Variants in MED15 observed in about 807,000 individuals in gnomAD.
The protein encoded by MED15 is mediator complex subunit 15, also known as mediator of RNA polymerase II transcription subunit 15.
In MED15, 41 loss-of-function variants were observed where a neutral mutation model predicts 118.7. The observed-to-expected ratio is 0.35, with a 90% CI of 0.27 to 0.45. MED15 has a LOEUF of 0.45. Among genes scored for constraint, MED15 ranks in the 20% least tolerant of loss-of-function variants. The probability of loss-of-function intolerance (pLI) is 1.00; values close to 1 mark genes in which losing one functional copy is unlikely to be tolerated. For missense variants in MED15, 740 were observed against 1,025.5 expected (o/e 0.72, Z 3.80); for synonymous variants, 436 against 413.9 (o/e 1.05, Z -0.65).
intron 1 of MED15, among the ~76,000 whole-genome samples, chr22:20,532,215 C>G (rs1192780640): frequency 6.6e-6 from 1 of 152,102 alleles, no homozygotes; most frequent in Non-Finnish European, 1.5e-5. Context: ...GGAGTTGGGG[C>G]AAAGATTTGA....
rs1206072811 is a variant in MED15, at chr22:20,582,557, GAGGC to G, written c.1273-49_1273-46del. 5.9e-6 allele frequency: 9 copies of G among 1,535,048 alleles called. No individual in the cohort carries two copies. The African/African-American group carries it at 6.9e-5, about 12-fold the overall frequency. On this transcript the variant is annotated intron_variant, in intron 9 of 17. Coordinates refer to ENST00000263205, the MANE Select transcript of MED15 (RefSeq NM_001003891.3). ...ATGCGTGCGGTGGGCAGGTGGTGTG[GAGGC>G]AGGCGGGCGGGCGTGTGGCAGCGCG...
chr22:20,572,638 T>C (rs1388633514), intron 8 of MED15, among the ~76,000 whole-genome samples: 6 of 119,602 alleles, frequency 5.0e-5, no homozygotes, highest in African/African-American at 3.3e-5. Flanking sequence ...AACCAAGACA[T>C]GCAGGCACAG....
At chr22:20,571,140 C>A (rs1601614775) in intron 8 of MED15, among the ~76,000 whole-genome samples, 1 of 152,186 alleles carries the variant, frequency 6.6e-6, no homozygotes, top group Admixed American at 6.5e-5. Context: ...CTGGTGCAGG[C>A]CCAGCTGGTA....
chr22:20,556,168 A>G (rs1420238450), intron 5 of MED15, among the ~76,000 whole-genome samples: 1 of 152,184 alleles, frequency 6.6e-6, no homozygotes, highest in Non-Finnish European at 1.5e-5. Flanking sequence ...GTGGAATAGC[A>G]TAGAGAGTTC....
At chr22:20,578,217 G>A (rs1027443451) in intron 9 of MED15, among the ~76,000 whole-genome samples, 1 of 152,198 alleles carries the variant, frequency 6.6e-6, no homozygotes. Flanking sequence ...GAACCACTGC[G>A]CCCAGCCTTG....
intron 2 of MED15, among the ~76,000 whole-genome samples, chr22:20,549,601 T>C (rs2055691464): frequency 6.6e-6 from 1 of 152,086 alleles, no homozygotes; most frequent in Non-Finnish European, 1.5e-5. Flanking sequence ...CCCTAGATGT[T>C]CCTAGATAAA....
intron 8 of MED15, among the ~76,000 whole-genome samples, chr22:20,572,187 G>T (rs1294234879): frequency 2.6e-5 from 4 of 152,362 alleles, no homozygotes; most frequent in African/African-American, 4.8e-5. Context: ...AGGGCCTTCA[G>T]ATCTGATCAG....
At chr22:20,581,596 C>T (rs542779255) in intron 9 of MED15, among the ~76,000 whole-genome samples, 3 of 152,198 alleles carry the variant, frequency 2.0e-5, no homozygotes, top group African/African-American at 7.2e-5. Context: ...CTTCAGGGTT[C>T]CCCCAGTGTG....
intron 2 of MED15, among the ~76,000 whole-genome samples, chr22:20,540,213 G>T (rs1008347978): frequency 6.6e-6 from 1 of 152,074 alleles, no homozygotes; most frequent in Non-Finnish European, 1.5e-5. Flanking sequence ...GACGTGGAAA[G>T]CCACATAAGG....
chr22:20,565,991 C>G (rs2056423229), intron 6 of MED15, among the ~76,000 whole-genome samples: 1 of 151,648 alleles, frequency 6.6e-6, no homozygotes, highest in South Asian at 2.1e-4. Context: ...GTGCCCCTCC[C>G]CGTGTGAGTG....
At chr22:20,557,268 A>G (rs1299490518) in intron 5 of MED15, among the ~76,000 whole-genome samples, 1 of 152,088 alleles carries the variant, frequency 6.6e-6, no homozygotes, top group Admixed American at 6.5e-5. Flanking sequence ...ATCCTGTGTC[A>G]GGTTTCCTCT....
At chr22:20,520,044 G>A (rs2054391060) in intron 1 of MED15, among the ~76,000 whole-genome samples, 1 of 152,124 alleles carries the variant, frequency 6.6e-6, no homozygotes, top group African/African-American at 2.4e-5. Flanking sequence ...GGAGAGATAG[G>A]GGCTCACACA....
intron 7 of MED15, among the ~76,000 whole-genome samples, chr22:20,567,557 G>C (rs1038498597): frequency 1.3e-5 from 2 of 152,190 alleles, no homozygotes; most frequent in Non-Finnish European, 2.9e-5. Context: ...GTGAGGAGCA[G>C]ATATGCTCAC....
chr22:20,512,399 G>C (rs921835796), intron 1 of MED15, among the ~76,000 whole-genome samples: 3 of 151,944 alleles, frequency 2.0e-5, no homozygotes, highest in Non-Finnish European at 2.9e-5. Flanking sequence ...TTAGGTGTCT[G>C]CTCAGTATCA....
chr22:20,538,292 C>T (rs1408433846), intron 2 of MED15, among the ~76,000 whole-genome samples: 1 of 152,126 alleles, frequency 6.6e-6, no homozygotes, highest in African/African-American at 2.4e-5. Flanking sequence ...ACTCTGTACC[C>T]AGGCTGGAGT....
At chr22:20,544,527 CG>C (rs539443540) in intron 2 of MED15, among the ~76,000 whole-genome samples, 151 of 152,180 alleles carry the variant, frequency 9.9e-4, no homozygotes, top group Non-Finnish European at 1.8e-3. Context: ...ACTAGCCAGG[CG>C]TGGTGGCGGG....
chr22:20,536,156 G>A lies in MED15; in HGVS notation c.69-961G>A, dbSNP rs796651094. 5.5e-4 allele frequency among the ~76,000 whole-genome samples: 84 copies of A among 152,280 alleles called. 1 individual carries two copies. Among genetic ancestry groups the A allele is most frequent in the Middle Eastern group, 3.4e-3 (1 of 294 alleles). Reference sequence around the variant, plus strand: ...CTCCCAAAGTGTTGGGATTACAGGCGTGTGGCACTGCACCTGGCCACTTGT... The same window carrying A: ...CTCCCAAAGTGTTGGGATTACAGGCATGTGGCACTGCACCTGGCCACTTGT... On this transcript the variant is annotated intron_variant, in intron 1 of 17. Coordinates refer to ENST00000263205, the MANE Select transcript of MED15 (RefSeq NM_001003891.3).
At chr22:20,564,779 A>C in intron 6 of MED15, 91 bp downstream of exon 6, 1 of 1,576,260 alleles carries the variant, frequency 6.3e-7, no homozygotes, top group Non-Finnish European at 8.6e-7. Context: ...CAGTGCCCGG[A>C]GCCAGCCGAG....
intron 9 of MED15, chr22:20,582,070 G>A (rs1338915035): frequency 6.2e-6 from 1 of 160,474 alleles, no homozygotes; most frequent in Admixed American, 6.5e-5. Context: ...GGTCCAGGTG[G>A]GACAGCCTGG....
Sources: allele counts gnomAD v4.1 joint callset (sites outside exome capture counted in the v4.1 genomes callset), GRCh38; gene constraint gnomAD v4.1.1; transcripts MANE v1.5; gene names NCBI Gene and HGNC (gene_info 2026-07-23, HGNC 2026-07-21).